The following KCTD16 variants were observed in gnomAD, a reference collection of about 807,000 sequenced individuals.
KCTD16 encodes potassium channel tetramerization domain containing 16.
A neutral mutation model predicts 33.2 loss-of-function variants in KCTD16; 13 were observed. That is an observed-to-expected ratio of 0.39 (90% confidence interval 0.25 to 0.62). The LOEUF is 0.62. KCTD16 is among the 20% of genes least tolerant of loss of function. The probability of loss-of-function intolerance (pLI) is 0.50; values close to 1 mark genes in which losing one functional copy is unlikely to be tolerated. For synonymous variants in KCTD16, 197 were observed against 195.3 expected (o/e 1.01, Z -0.07); for missense variants, 441 against 525.1 (o/e 0.84, Z 1.57).
chr5:144,390,139 A>G (rs17101867), intron 3 of KCTD16, among the ~76,000 whole-genome samples: 8,540 of 152,290 alleles, frequency 0.056, 785 homozygotes, highest in African/African-American at 0.19. Context: ...TTTTATGTGG[A>G]TGTGAACAGA....
At chr5:144,299,050 A>ATG (rs2126867883) in intron 3 of KCTD16, among the ~76,000 whole-genome samples, 1 of 78,980 alleles carries the variant, frequency 1.3e-5, no homozygotes, top group South Asian at 3.3e-4. Context: ...ATCACTATAT[A>ATG]TATATATATA....
intron 2 of KCTD16, among the ~76,000 whole-genome samples, chr5:144,201,290 T>G (rs576031952): frequency 1.7e-4 from 26 of 152,262 alleles, no homozygotes; most frequent in Non-Finnish European, 2.5e-4. Context: ...ATACTGATTA[T>G]TTTCAGTTCC....
At chr5:144,471,942 AATT>A (rs1162820824) in intron 3 of KCTD16, among the ~76,000 whole-genome samples, 3 of 152,348 alleles carry the variant, frequency 2.0e-5, no homozygotes, top group Admixed American at 6.5e-5. Context: ...TCTCTTAAAA[AATT>A]ATATGGAGAT....
intron 3 of KCTD16, among the ~76,000 whole-genome samples, chr5:144,435,856 TGTA>T (rs1418426670): frequency 4.6e-5 from 7 of 151,932 alleles, no homozygotes; most frequent in African/African-American, 1.5e-4. Flanking sequence ...TGTGTGTGTG[TGTA>T]GTTTTATTCT....
At chr5:144,423,710 G>A (rs1345327088) in intron 3 of KCTD16, among the ~76,000 whole-genome samples, 1 of 152,146 alleles carries the variant, frequency 6.6e-6, no homozygotes, top group African/African-American at 2.4e-5. Flanking sequence ...CAGTGGAGAT[G>A]AGACAAGTAG....
At chr5:144,368,825 T>A (rs1479559900) in intron 3 of KCTD16, among the ~76,000 whole-genome samples, 3 of 152,132 alleles carry the variant, frequency 2.0e-5, no homozygotes, top group Non-Finnish European at 4.4e-5. Flanking sequence ...CAAGAGGCCT[T>A]AGGAAGTACG....
At chr5:144,457,448 C>T (rs1199346279) in intron 3 of KCTD16, among the ~76,000 whole-genome samples, 1 of 152,118 alleles carries the variant, frequency 6.6e-6, no homozygotes, top group Non-Finnish European at 1.5e-5. Context: ...TCTTCATTGA[C>T]AGGTTGCCCA....
chr5:144,321,741 G>A (rs1321428241), intron 3 of KCTD16, among the ~76,000 whole-genome samples: 3 of 152,128 alleles, frequency 2.0e-5, no homozygotes, highest in Admixed American at 6.6e-5. Flanking sequence ...TGAATAATAT[G>A]CAACACCTCT....
At chr5:144,196,828 A>G (rs1280399506) in intron 2 of KCTD16, among the ~76,000 whole-genome samples, 1 of 152,228 alleles carries the variant, frequency 6.6e-6, no homozygotes, top group Admixed American at 6.5e-5. Context: ...TTGCAATAGT[A>G]CCAGCCTGTC....
At chr5:144,440,888 C>G (rs894941451) in intron 3 of KCTD16, among the ~76,000 whole-genome samples, 2 of 136,956 alleles carry the variant, frequency 1.5e-5, no homozygotes, top group African/African-American at 2.6e-5. Flanking sequence ...ATCTGTCCCC[C>G]CTCCCCCCAC....
At chr5:144,466,490 T>C (rs1754335587) in intron 3 of KCTD16, among the ~76,000 whole-genome samples, 1 of 152,112 alleles carries the variant, frequency 6.6e-6, no homozygotes, top group Non-Finnish European at 1.5e-5. Flanking sequence ...GATTTTTAAG[T>C]TGTTCAAATA....
At chr5:144,179,310 C>G (rs1232293942) in intron 2 of KCTD16, among the ~76,000 whole-genome samples, 2 of 152,164 alleles carry the variant, frequency 1.3e-5, no homozygotes, top group African/African-American at 2.4e-5. Context: ...GTTTTGCCTT[C>G]TTATGAGCTG....
At chr5:144,182,382 G>C (rs988615362) in intron 2 of KCTD16, among the ~76,000 whole-genome samples, 2 of 152,090 alleles carry the variant, frequency 1.3e-5, no homozygotes, top group Non-Finnish European at 2.9e-5. Context: ...GTAGAAAACA[G>C]ACTAAAACAT....
intron 3 of KCTD16, among the ~76,000 whole-genome samples, chr5:144,356,862 T>A (rs530724263): frequency 4.6e-5 from 7 of 152,192 alleles, no homozygotes; most frequent in Middle Eastern, 3.4e-3. Context: ...TCCCTTCTTT[T>A]CCCCTCTCTT....
intron 3 of KCTD16, among the ~76,000 whole-genome samples, chr5:144,399,911 T>A (rs1447476956): frequency 2.0e-5 from 3 of 152,164 alleles, no homozygotes; most frequent in African/African-American, 7.2e-5. Context: ...TTTGAGAATA[T>A]AAAATTTGAA....
chr5:144,410,226 G>A (rs1345092111), intron 3 of KCTD16, among the ~76,000 whole-genome samples: 5 of 152,184 alleles, frequency 3.3e-5, no homozygotes, highest in Admixed American at 2.0e-4. Context: ...TGGTTCTCTG[G>A]TCCTGAAGCA....
chr5:144,371,243 C>T (rs932411462), intron 3 of KCTD16, among the ~76,000 whole-genome samples: 1 of 151,970 alleles, frequency 6.6e-6, no homozygotes, highest in Non-Finnish European at 1.5e-5. Context: ...TATCTAAATT[C>T]TTTATATATT....
intron 3 of KCTD16, among the ~76,000 whole-genome samples, chr5:144,279,432 A>G (rs1335870265): frequency 3.9e-5 from 6 of 152,212 alleles, no homozygotes; most frequent in Admixed American, 2.6e-4. Context: ...TAGTAGCTGC[A>G]TGTTTTTATA....
chr5:144,294,817 G>A (rs1165264011), intron 3 of KCTD16, among the ~76,000 whole-genome samples: 1 of 152,114 alleles, frequency 6.6e-6, no homozygotes, highest in Non-Finnish European at 1.5e-5. Context: ...TAAACTACCA[G>A]TTGTTGAGCA....
Sources: gnomAD v4.1 joint callset for allele counts (sites outside exome capture counted in the v4.1 genomes callset) on GRCh38, gnomAD v4.1.1 for gene constraint, MANE v1.5 for transcripts, NCBI Gene and HGNC (gene_info 2026-07-23, HGNC 2026-07-21) for gene names.